The following TRIM23 variants were observed in gnomAD, a reference collection of about 807,000 sequenced individuals.
TRIM23 encodes the protein tripartite motif containing 23.
Under a neutral mutation model 71.0 loss-of-function variants are expected in TRIM23, and 27 were observed. The observed-to-expected ratio is 0.38, with a 90% CI of 0.28 to 0.52. The LOEUF (loss-of-function observed/expected upper bound fraction) is 0.52. TRIM23 is among the 20% of genes least tolerant of loss of function. The probability of loss-of-function intolerance (pLI) is 0.84; values close to 1 mark genes in which losing one functional copy is unlikely to be tolerated. For missense variants in TRIM23, 482 were observed against 692.3 expected, an observed-to-expected ratio of 0.70 and a Z score of 3.41; for synonymous variants, 234 against 238.0, an observed-to-expected ratio of 0.98 and a Z score of 0.16.
At chr5:65,617,989 G>A (rs1754817608) in intron 2 of TRIM23, 104 bp downstream of exon 2, 9 of 1,261,142 alleles carry the variant, frequency 7.1e-6, no homozygotes, top group Non-Finnish European at 9.5e-6. Context: ...AACTTTCTGG[G>A]AATTTTATCA....
chr5:65,623,466 A>G (rs1755007519), intron 1 of TRIM23, among the ~76,000 whole-genome samples: 1 of 152,230 alleles, frequency 6.6e-6, no homozygotes, highest in African/African-American at 2.4e-5. Flanking sequence ...CAACAGTGGA[A>G]GGGAAAAATG....
intron 7 of TRIM23, among the ~76,000 whole-genome samples, chr5:65,598,592 A>T (rs1754272674): frequency 6.6e-6 from 1 of 152,206 alleles, no homozygotes; most frequent in African/African-American, 2.4e-5. Flanking sequence ...TCTACTAAAA[A>T]TACAAAATTA....
At chr5:65,615,612 C>T (rs1328963016) in intron 2 of TRIM23, among the ~76,000 whole-genome samples, 1 of 151,896 alleles carries the variant, frequency 6.6e-6, no homozygotes, top group Non-Finnish European at 1.5e-5. Context: ...CCCTAGAAGG[C>T]TTTCTCCTTA....
intron 3 of TRIM23, chr5:65,613,722 C>T: frequency 1.7e-6 from 2 of 1,187,872 alleles, no homozygotes; most frequent in Admixed American, 7.4e-5. Context: ...TAAATGGCCT[C>T]TTACATCGAG....
At chr5:65,604,416 G>T (rs1014994231) in intron 7 of TRIM23, among the ~76,000 whole-genome samples, 1 of 152,008 alleles carries the variant, frequency 6.6e-6, no homozygotes, top group African/African-American at 2.4e-5. Flanking sequence ...TTTAAAAAGA[G>T]TCCTTATCTT....
At chr5:65,594,757 CATT>C in intron 9 of TRIM23, 112 bp from the exon 10 acceptor site, 2 of 1,011,692 alleles carry the variant, frequency 2.0e-6, no homozygotes, top group Non-Finnish European at 2.7e-6. Context: ...TGTCTACCAT[CATT>C]ATTTTCACAC....
rs894078844 is a variant in TRIM23, at chr5:65,610,504, T to C, written c.828+357A>G. Among the ~76,000 whole-genome samples the C allele has an allele frequency of 2.0e-5, 3 of 152,226 alleles. No individual in the cohort carries two copies. The East Asian group carries it at 5.8e-4, about 29-fold the overall frequency. On this transcript the variant is annotated intron_variant, in intron 5 of 10. Transcript: ENST00000231524. The stretch of plus-strand genomic sequence containing the variant: ...CCTCACTTACAAACATTTTAACATA[T>C]TGTTCCCTTCTTGGGACAACTCATT...
chr5:65,597,953 G>A (rs1448294606), intron 7 of TRIM23, among the ~76,000 whole-genome samples: 2 of 152,082 alleles, frequency 1.3e-5, no homozygotes, highest in African/African-American at 4.8e-5. Context: ...ACATATAAAA[G>A]TCCTTACAAC....
In TRIM23 at chr5:65,611,782, A is replaced by G; in HGVS notation, c.466T>C (p.Ser156Pro). 1 of 1,614,212 alleles carries G rather than the reference A, an allele frequency of 6.2e-7. No individual in the cohort carries two copies. Among genetic ancestry groups the G allele is most frequent in the Non-Finnish European group, 8.5e-7 (1 of 1,180,032 alleles). The change falls in exon 4 of 11, where the codon TCT (serine) becomes CCT (proline). Residue 156 changes from serine to proline, a missense_variant. This residue lies in a region of TRIM23 where 175 missense variants were observed against 196.5 expected (regional missense o/e 0.89). Transcript: ENST00000231524. ...LCSECSQVTH[S>P]TKTLAKHRRV... is the part of the protein sequence containing the mutation. Reference sequence around the variant, plus strand: ...CTGTGCTTTGCTAATGTCTTTGTAGAATGAGTAACTTGAGAACACTCAGAG... The same window carrying G: ...CTGTGCTTTGCTAATGTCTTTGTAGGATGAGTAACTTGAGAACACTCAGAG...
intron 2 of TRIM23, among the ~76,000 whole-genome samples, chr5:65,617,714 A>T (rs1754812714): frequency 6.6e-6 from 1 of 152,172 alleles, no homozygotes; most frequent in Non-Finnish European, 1.5e-5. Flanking sequence ...CAAATGACTT[A>T]TCTGTATTTT....
chr5:65,603,183 T>G (rs1380450195), intron 7 of TRIM23, among the ~76,000 whole-genome samples: 2 of 150,940 alleles, frequency 1.3e-5, no homozygotes, highest in Non-Finnish European at 2.9e-5. Context: ...TTAAAGGGTA[T>G]AGAGTTTCAG....
Position 65,609,323 on chromosome 5 carries a change from T to G in TRIM23, c.964A>C (p.Arg322=). Residue 322 remains arginine (R), a synonymous_variant, in exon 6 of 11, where the codon AGG becomes CGG. Transcript: ENST00000231524. The part of the protein sequence containing the change: ...AHVREKLIWL[R]QQQEDMTILL... ...ATAGTCATATCTTCTTGTTGCTGCC[T>G]GAGCCAAATCAATTTTTCACGAACA... The G allele has an allele frequency of 6.2e-7, 1 of 1,614,212 alleles. No individual in the cohort carries two copies. Among genetic ancestry groups the G allele is most frequent in the Non-Finnish European group, 8.5e-7 (1 of 1,180,034 alleles).
rs764080102 is a variant in TRIM23 at position 65,624,284 on chromosome 5, G to A, written c.-10C>T. 4 of 1,613,638 alleles carry A rather than the reference G, an allele frequency of 2.5e-6. No homozygotes were observed. Among genetic ancestry groups the A allele is most frequent in the East Asian group, 4.5e-5 (2 of 44,888 alleles). On this transcript the variant is annotated 5_prime_UTR_variant, in exon 1 of 11. Coordinates refer to ENST00000231524, the MANE Select transcript of TRIM23 (RefSeq NM_001656.4). ...CAACCAGGGTAGCCATCCTCGCAGG[G>A]GAAGCGCCACAGAAACAGCCTTCAG...
At chr5:65,603,149 T>A (rs915762619) in intron 7 of TRIM23, among the ~76,000 whole-genome samples, 10 of 152,076 alleles carry the variant, frequency 6.6e-5, no homozygotes, top group African/African-American at 2.4e-4. Context: ...CAGGGACCGA[T>A]GAGAGGGGGC....
intron 2 of TRIM23, 116 bp downstream of exon 2, chr5:65,617,977 G>T: frequency 1.7e-6 from 2 of 1,174,932 alleles, no homozygotes; most frequent in Non-Finnish European, 2.3e-6. Flanking sequence ...TAGGCTTTCT[G>T]AAACTTTCTG....
intron 1 of TRIM23, among the ~76,000 whole-genome samples, chr5:65,621,841 T>A (rs924837902): frequency 9.9e-5 from 15 of 151,964 alleles, no homozygotes; most frequent in Middle Eastern, 3.2e-3. Context: ...TATTATTTTT[T>A]TTTTGAGAAA....
At chr5:65,598,929 TA>T (rs1336519618) in intron 7 of TRIM23, among the ~76,000 whole-genome samples, 1 of 152,108 alleles carries the variant, frequency 6.6e-6, no homozygotes, top group East Asian at 1.9e-4. Context: ...CCTTTCATAA[TA>T]AAAACATTCA....
Position 65,601,684 on chromosome 5 carries a change from C to T in TRIM23, c.1179+3227G>A, listed in dbSNP as rs375966975. ...CTCGCCCCTCCAAACCCTGCCCTTA[C>T]AGCAAACTTCTGCCTAGGCTTCCAG... is the stretch of plus-strand genomic sequence containing the variant. On this transcript the variant is annotated intron_variant, in intron 7 of 10. Transcript: ENST00000231524. Among the ~76,000 whole-genome samples, 3 of 152,162 alleles carry T rather than the reference C, an allele frequency of 2.0e-5. No individual in the cohort carries two copies. In the South Asian group the frequency reaches 6.2e-4, roughly 32 times the overall value.
Position 65,624,298 on chromosome 5 carries a change from A to C in TRIM23, c.-24T>G, listed in dbSNP as rs1049851560. ...ATCCTCGCAGGGGAAGCGCCACAGA[A>C]ACAGCCTTCAGAGTCCTCAACTGAG... On this transcript the variant is annotated 5_prime_UTR_variant, in exon 1 of 11. Transcript: ENST00000231524. 1.7e-5 allele frequency: 27 copies of C among 1,612,734 alleles called. No homozygotes were observed. The highest frequency in any genetic ancestry group is 2.2e-5 in the Non-Finnish European group (26 of 1,179,732).
Sources: allele counts gnomAD v4.1 joint callset (sites outside exome capture counted in the v4.1 genomes callset), GRCh38; gene constraint gnomAD v4.1.1; regional missense constraint gnomAD v4.1.1; transcripts MANE v1.5; gene names NCBI Gene and HGNC (gene_info 2026-07-23, HGNC 2026-07-21).